Variants in ANO8 observed in about 807,000 individuals in gnomAD.
ANO8 encodes the protein anoctamin-8.
In ANO8, 67 loss-of-function variants were observed where a neutral mutation model predicts 120.4. The ratio of observed to expected loss-of-function variants is 0.56; its 90% CI spans 0.46 to 0.68. ANO8 has a LOEUF of 0.68. Among genes scored for constraint, ANO8 ranks in the 30% least tolerant of loss-of-function variants. The pLI is 0.00. For synonymous variants in ANO8, 727 were observed against 759.2 expected (o/e 0.96, Z 0.70); for missense variants, 1,526 against 1,737.6 (o/e 0.88, Z 2.16).
rs371324827 is a variant in ANO8, at chr19:17,330,027, G to C, written c.1274-13C>G. ...AGCCGGTAATTTTCTAGGGGCCAAG[G>C]GGGGGAGTGAGGGGGCAGCCGCGGT... On this transcript the variant is annotated splice_polypyrimidine_tract_variant and intron_variant, in intron 10 of 17. Transcript: ENST00000159087. 13 of 1,613,894 alleles carry C rather than the reference G, an allele frequency of 8.1e-6. No individual in the cohort carries two copies. Among genetic ancestry groups the C allele is most frequent in the Middle Eastern group, 1.6e-4 (1 of 6,084 alleles).
Position 17,328,875 on chromosome 19 carries a change from C to T in ANO8, c.1513G>A (p.Val505Ile), listed in dbSNP as rs1366144833. ...LGRGELGLRAVWELARALLGL... is the reference protein window; with the variant it reads ...LGRGELGLRAIWELARALLGL... Reference sequence around the variant, plus strand: ...AGCAGGGCTCGGGCCAGCTCCCAGACGGCCCGCAGGCCCAGCTCGCCGCGG... The same window carrying T: ...AGCAGGGCTCGGGCCAGCTCCCAGATGGCCCGCAGGCCCAGCTCGCCGCGG... The change falls in exon 13 of 18, where the codon GTC becomes ATC. Residue 505 changes from valine (V) to isoleucine (I), a missense_variant. Physicochemically the swap from Val to Ile is conservative, Grantham distance 29. Around this residue, in one of 8 missense-constraint regions of ANO8, gnomAD observed 467 missense variants for 425.8 expected, o/e 1.10. Coordinates refer to ENST00000159087, the MANE Select transcript of ANO8 (RefSeq NM_020959.3). The T allele has an allele frequency of 6.7e-7, 1 of 1,500,362 alleles. No homozygotes were observed. Among genetic ancestry groups the T allele is most frequent in the Non-Finnish European group, 8.9e-7 (1 of 1,129,480 alleles). 92.9% of individuals were successfully genotyped at this position (1,500,362 alleles called of 1,614,324 possible).
intron 6 of ANO8, 27 bp from the exon 7 acceptor site, chr19:17,331,242 C>T (rs2074315933): frequency 1.2e-6 from 2 of 1,614,050 alleles, no homozygotes; most frequent in Middle Eastern, 1.6e-4. Flanking sequence ...GGGTCTCAGT[C>T]ACCCCCTGCC....
In ANO8 at chr19:17,323,572, G is replaced by C; in HGVS notation, c.3644C>G (p.Ser1215Cys). Residue 1215 changes from serine (S) to cysteine (C), a missense_variant, in exon 18 of 18, where the codon TCC becomes TGC. By Grantham distance (112) the Ser-to-Cys change is moderately radical. Transcript: ENST00000159087. ...TSDPLETPAP[S>C]PSPSPSPQAV... ...CTGGGGGCTGGGGCTGGGGCTAGGG[G>C]AGGGCGCTGGGGTCTCGAGGGGATC... is the stretch of plus-strand genomic sequence containing the variant. The C allele has an allele frequency of 5.4e-6, 7 of 1,286,254 alleles. No homozygotes were observed. The highest frequency in any genetic ancestry group is 6.9e-6 in the Non-Finnish European group (7 of 1,014,402). 79.7% of individuals were successfully genotyped at this position (1,286,254 alleles called of 1,614,324 possible).
chr19:17,332,482 G>C (rs929039209), intron 5 of ANO8, among the ~76,000 whole-genome samples: 1 of 152,150 alleles, frequency 6.6e-6, no homozygotes, highest in African/African-American at 2.4e-5. Context: ...AGGTGAACTT[G>C]GGTGCCTAGT....
At position 17,328,717 on chromosome 19, in the gene ANO8, C is replaced by T; in HGVS notation, c.1671G>A (p.Glu557=). Residue 557 remains glutamate (E), a synonymous_variant, in exon 13 of 18, where the codon GAG becomes GAA. Coordinates refer to ENST00000159087, the MANE Select transcript of ANO8 (RefSeq NM_020959.3). The part of the protein sequence containing the change: ...SGGCGAPEEE[E]EAALVERRRA... ...GCCGCCGCTCCACCAGCGCCGCCTC[C>T]TCCTCCTCCTCCGGCGCCCCGCAGC... 1 of 1,367,120 alleles carries T rather than the reference C, an allele frequency of 7.3e-7. No individual in the cohort carries two copies. Among genetic ancestry groups the T allele is most frequent in the Non-Finnish European group, 9.5e-7 (1 of 1,056,746 alleles). 84.7% of individuals were successfully genotyped at this position (1,367,120 alleles called of 1,614,324 possible).
At chr19:17,328,137 C>A in intron 13 of ANO8, 25 bp downstream of exon 13, 3 of 1,515,874 alleles carry the variant, frequency 2.0e-6, no homozygotes, top group East Asian at 2.4e-5. Context: ...GCCCCGCCCC[C>A]TGCGAGGCCC....
At position 17,325,039 on chromosome 19, in the gene ANO8, T is replaced by C; in HGVS notation, c.3009A>G (p.Gly1003=). The change falls in exon 17 of 18, where the codon GGA becomes GGG. Residue 1003 remains glycine (G), a synonymous_variant. Coordinates refer to ENST00000159087, the MANE Select transcript of ANO8 (RefSeq NM_020959.3). Reference sequence around the variant, plus strand: ...GGGCAGGGGGAGGCCGGGTGGTGGCTCCGGCCCCTGCAGCAGCCAGTGAGG... The same window carrying C: ...GGGCAGGGGGAGGCCGGGTGGTGGCCCCGGCCCCTGCAGCAGCCAGTGAGG... ...ATSSLAAAGA[G]ATTRPPPAQS... 1 of 1,612,912 alleles carries C rather than the reference T, an allele frequency of 6.2e-7. No homozygotes were observed. The highest frequency in any genetic ancestry group is 2.2e-5 in the East Asian group (1 of 44,878).
At position 17,333,700 on chromosome 19, in the gene ANO8, C is replaced by A. The variant is rs2074338365; in HGVS notation, c.207G>T (p.Met69Ile). 1 of 1,598,928 alleles carries A rather than the reference C, an allele frequency of 6.3e-7. No individual in the cohort carries two copies. The highest frequency in any genetic ancestry group is 1.7e-5 in the Admixed American group (1 of 58,500). ...GGCGGGCTTGGGTACCTGGGAAGGT[C>A]ATCAGCACGTCGCAGTTCTCTGTAG... ...TVPTENCDVL[M>I]TFPDTTDDHT... Residue 69 changes from methionine to isoleucine, a missense_variant, in exon 2 of 18, where the codon ATG (methionine) becomes ATT (isoleucine). By Grantham distance (10) the Met-to-Ile change is conservative. Coordinates refer to ENST00000159087, the MANE Select transcript of ANO8 (RefSeq NM_020959.3). The surrounding 1 kb of genome is among the most constrained non-coding windows in gnomAD (Gnocchi z 7.2).
At chr19:17,326,617 C>T (rs898533321) in intron 16 of ANO8, among the ~76,000 whole-genome samples, 1 of 152,254 alleles carries the variant, frequency 6.6e-6, no homozygotes, top group African/African-American at 2.4e-5. Flanking sequence ...TTCTCGGTCG[C>T]AGCAGCTGCA....
Position 17,323,457 on chromosome 19 carries a change from C to T in ANO8, c.*60G>A. ...TGAAGCGCATTTTGCATTTTGGAGA[C>T]CGGCCGCCCCTGTGAATGACTGATA... On this transcript the variant is annotated 3_prime_UTR_variant, in exon 18 of 18. Transcript: ENST00000159087. The T allele has an allele frequency of 1.6e-6, 2 of 1,280,626 alleles. No homozygotes were observed. The highest frequency in any genetic ancestry group is 2.0e-6 in the Non-Finnish European group (2 of 1,011,690). 79.3% of individuals were successfully genotyped at this position (1,280,626 alleles called of 1,614,324 possible). A position where few individuals can be genotyped will look rare whatever the true frequency, so the allele number is the denominator to read the frequency against.
Position 17,327,552 on chromosome 19 carries a change from C to A in ANO8, c.2436G>T (p.Met812Ile). The A allele has an allele frequency of 6.2e-7, 1 of 1,613,506 alleles. No homozygotes were observed. ...AGTTGACCACAATCGCTAGGACACC[C>A]ATGGCCTCCATCACCTTCTGCAGGG... The part of the protein sequence containing the change: ...IGQWQKVMEA[M>I]GVLAIVVNCY... Residue 812 changes from methionine to isoleucine, a missense_variant, in exon 15 of 18, where the codon ATG (methionine) becomes ATT (isoleucine). By Grantham distance (10) the Met-to-Ile change is conservative. Transcript: ENST00000159087.
chr19:17,325,761 C>G (rs1229316229), intron 16 of ANO8, among the ~76,000 whole-genome samples: 1 of 152,158 alleles, frequency 6.6e-6, no homozygotes, highest in African/African-American at 2.4e-5. Flanking sequence ...AACCCTGTCT[C>G]TACCAAAAAT....
chr19:17,324,371 C>CT (rs2074258788), intron 17 of ANO8, among the ~76,000 whole-genome samples: 1 of 152,016 alleles, frequency 6.6e-6, no homozygotes, highest in Non-Finnish European at 1.5e-5. Flanking sequence ...AAGTCCCCCC[C>CT]AAGAGTGAGC....
chr19:17,323,562 GGGGCTA>G lies in ANO8; in HGVS notation c.3648_3653del (p.Ser1221_Pro1222del). The G allele has an allele frequency of 7.7e-7, 1 of 1,291,972 alleles. No individual in the cohort carries two copies. The highest frequency in any genetic ancestry group is 9.8e-7 in the Non-Finnish European group (1 of 1,018,666). 80.0% of individuals were successfully genotyped at this position (1,291,972 alleles called of 1,614,324 possible). A position where few individuals can be genotyped will look rare whatever the true frequency, so the allele number is the denominator to read the frequency against. ...AGCACACGGCCTGGGGGCTGGGGCT[GGGGCTA>G]GGGGAGGGCGCTGGGGTCTCGAGGG... On this transcript the variant is annotated inframe_deletion, in exon 18 of 18. Transcript: ENST00000159087.
In ANO8 at chr19:17,334,711, C is replaced by G. The variant is rs908406532; in HGVS notation, c.-41G>C. The G allele has an allele frequency of 7.5e-7, 1 of 1,333,962 alleles. No homozygotes were observed. The highest frequency in any genetic ancestry group is 1.6e-5 in the African/African-American group (1 of 64,494). The allele number at this position is 1,333,962 out of a possible 1,614,324, so 82.6% of individuals were successfully genotyped here. ...GGTCAGGGGCTACGGACGGCCCGGGCGACGGGGAGCCGCGGGCTCATGGGG... is the reference window on the plus strand; with the variant it reads ...GGTCAGGGGCTACGGACGGCCCGGGGGACGGGGAGCCGCGGGCTCATGGGG... On this transcript the variant is annotated 5_prime_UTR_variant, in exon 1 of 18. Transcript: ENST00000159087.
intron 12 of ANO8, 130 bp downstream of exon 12, chr19:17,329,627 G>A (rs2074302055): frequency 1.5e-6 from 1 of 687,612 alleles, no homozygotes; most frequent in East Asian, 2.7e-5. Flanking sequence ...ACAACGGACG[G>A]ACAGACAGGA....
rs151091686 is a variant in ANO8, at chr19:17,325,237, C to G, written c.2811G>C (p.Leu937=). The G allele has an allele frequency of 3.7e-6, 6 of 1,610,920 alleles. No individual in the cohort carries two copies. The highest frequency in any genetic ancestry group is 5.1e-6 in the Non-Finnish European group (6 of 1,179,816). The change falls in exon 17 of 18, where the codon CTG becomes CTC. Residue 937 remains leucine, a synonymous_variant. Transcript: ENST00000159087. ...CCTTCTCGGAGGAGGTGGCAGGGTC[C>G]AGCCCAGAGCCCTCGGCCCTCGCCT... The part of the protein sequence containing the change: ...REEARAEGSG[L]DPATSSEKAS...
In ANO8 at chr19:17,324,893, C is replaced by T; in HGVS notation, c.3155G>A (p.Gly1052Asp). 6.2e-7 allele frequency: 1 copy of T among 1,613,388 alleles called. No individual in the cohort carries two copies. The highest frequency in any genetic ancestry group is 8.5e-7 in the Non-Finnish European group (1 of 1,179,842). ...GGTGCCACCAAAGGGGAAGAGCTTG[C>T]CAGCATGGAAGGCTTTGGGCGGTGA... ...SHSPPKAFHA[G>D]KLFPFGGTRA... The change falls in exon 17 of 18, where the codon GGC becomes GAC. Residue 1052 changes from glycine to aspartate, a missense_variant. Coordinates refer to ENST00000159087, the MANE Select transcript of ANO8 (RefSeq NM_020959.3).
chr19:17,329,163 AAAT>A lies in ANO8; in HGVS notation c.1405-183_1405-181del, dbSNP rs2074298482. ...GCGAGGCCCCCAGCGCTCAGCCACA[AAAT>A]ACAGCCTGGCACGCGCAGCGCTCCT... On this transcript the variant is annotated intron_variant, in intron 12 of 17. Coordinates refer to ENST00000159087, the MANE Select transcript of ANO8 (RefSeq NM_020959.3). 5.8e-6 allele frequency: 3 copies of A among 513,954 alleles called. No individual in the cohort carries two copies. The South Asian group carries it at 8.1e-5, about 14-fold the overall frequency. The allele number at this position is 513,954 out of a possible 1,614,324, so 31.8% of individuals were successfully genotyped here.
Sources: allele counts gnomAD v4.1 joint callset (sites outside exome capture counted in the v4.1 genomes callset), GRCh38; gene constraint gnomAD v4.1.1; regional missense constraint gnomAD v4.1.1; non-coding constraint Gnocchi (gnomAD v3.1); transcripts MANE v1.5; gene names NCBI Gene and HGNC (gene_info 2026-07-23, HGNC 2026-07-21).